Variants in PAX8 observed in about 807,000 individuals in gnomAD.
PAX8 encodes the protein paired box protein Pax-8.
Under a neutral mutation model 52.4 loss-of-function variants are expected in PAX8, and 15 were observed. The ratio of observed to expected loss-of-function variants is 0.29; its 90% CI spans 0.19 to 0.44. PAX8 has a LOEUF of 0.44. PAX8 is among the 20% of genes least tolerant of loss of function. The pLI, the probability that PAX8 is intolerant of heterozygous loss-of-function variation, is 1.00. For missense variants in PAX8, 554 were observed against 602.5 expected, an observed-to-expected ratio of 0.92 and a Z score of 0.84; for synonymous variants, 284 against 249.7, an observed-to-expected ratio of 1.14 and a Z score of -1.29.
rs1689617858 is a variant in PAX8 at position 113,226,991 on chromosome 2, A to G, written c.1189+164T>C. 4.6e-6 allele frequency: 7 copies of G among 1,525,154 alleles called. No homozygotes were observed. The Admixed American group carries it at 1.2e-4, about 26-fold the overall frequency. 94.5% of individuals were successfully genotyped at this position (1,525,154 alleles called of 1,614,324 possible). A position where few individuals can be genotyped will look rare whatever the true frequency, so the allele number is the denominator to read the frequency against. On this transcript the variant is annotated intron_variant, in intron 10 of 11. Transcript: ENST00000429538. Reference sequence around the variant, plus strand: ...TAGGGAGTCAGGACTGCACTGGGACATCGTCTCCAGGCATTTACAAGGAGA... The same window carrying G: ...TAGGGAGTCAGGACTGCACTGGGACGTCGTCTCCAGGCATTTACAAGGAGA...
At chr2:113,269,623 A>G (rs1693329314) in intron 2 of PAX8, 1 of 152,232 alleles carries the variant, frequency 6.6e-6, no homozygotes, top group Admixed American at 6.5e-5. Context: ...TTAAATGTCA[A>G]CCAGGGTTTG....
In PAX8 at chr2:113,220,135, G is replaced by A; in HGVS notation, c.1233C>T (p.Ser411=). 6.2e-7 allele frequency: 1 copy of A among 1,614,030 alleles called. No homozygotes were observed. Among genetic ancestry groups the A allele is most frequent in the African/African-American group, 1.3e-5 (1 of 75,042 alleles). The stretch of plus-strand genomic sequence containing the variant: ...GGAAGCGCCAGGCCTCGCTGTAGGA[G>A]GAGTAGGGGGTGTGGCCATAGGCAT... ...SGNAYGHTPY[S]SYSEAWRFPN... is the part of the protein sequence containing the mutation. The change falls in exon 11 of 12, where the codon TCC becomes TCT. Residue 411 remains serine (S), a synonymous_variant. Coordinates refer to ENST00000429538, the MANE Select transcript of PAX8 (RefSeq NM_003466.4).
At chr2:113,248,680 C>T (rs1691516491) in intron 2 of PAX8, among the ~76,000 whole-genome samples, 1 of 152,072 alleles carries the variant, frequency 6.6e-6, no homozygotes, top group Admixed American at 6.5e-5. Context: ...GGGTGGGGGC[C>T]AGGTGCAGTG....
In PAX8 at chr2:113,217,868, C is replaced by T; in HGVS notation, c.*665G>A. On this transcript the variant is annotated 3_prime_UTR_variant, in exon 12 of 12. Coordinates refer to ENST00000429538, the MANE Select transcript of PAX8 (RefSeq NM_003466.4). ...GACCTGGGGTGGTGCTATACCTTCA[C>T]AGCAGCAGGCAAAAGAGGTCAGCTG... The T allele has an allele frequency of 4.3e-6, 1 of 233,234 alleles. No homozygotes were observed. Among genetic ancestry groups the T allele is most frequent in the Non-Finnish European group, 8.5e-6 (1 of 118,046 alleles). 14.4% of individuals were successfully genotyped at this position (233,234 alleles called of 1,614,324 possible).
At chr2:113,243,930 CTG>C (rs1691090516) in intron 4 of PAX8, among the ~76,000 whole-genome samples, 1 of 152,170 alleles carries the variant, frequency 6.6e-6, no homozygotes, top group South Asian at 2.1e-4. Flanking sequence ...TCTCATTAGA[CTG>C]TAAGCTCCGC....
At chr2:113,220,722 A>G (rs1689228988) in intron 10 of PAX8, among the ~76,000 whole-genome samples, 1 of 152,104 alleles carries the variant, frequency 6.6e-6, no homozygotes, top group Non-Finnish European at 1.5e-5. Context: ...GTTTGTGTGC[A>G]TGGGGGGCTG....
chr2:113,240,780 GGGGCACAATGGTA>G (rs1690754837), intron 7 of PAX8: 1 of 154,058 alleles, frequency 6.5e-6, no homozygotes, highest in African/African-American at 2.4e-5. Flanking sequence ...TATTATAAGG[GGGGCACAATGGTA>G]GGTGCTGGGA....
At chr2:113,241,114 G>A (rs926394942) in intron 7 of PAX8, 2 of 323,626 alleles carry the variant, frequency 6.2e-6, no homozygotes, top group Non-Finnish European at 1.2e-5. Flanking sequence ...GTGAGCGAGG[G>A]TGGTGAGCTC....
At chr2:113,277,715 T>C (rs1693922344) in intron 2 of PAX8, among the ~76,000 whole-genome samples, 1 of 151,480 alleles carries the variant, frequency 6.6e-6, no homozygotes. Context: ...GGAGCTCGAG[T>C]GTGTTTGAAG....
intron 2 of PAX8, among the ~76,000 whole-genome samples, chr2:113,256,606 ATGTG>A (rs55936485): frequency 1.4e-5 from 2 of 141,118 alleles, no homozygotes; most frequent in Non-Finnish European, 3.1e-5. Flanking sequence ...TGGAATATAT[ATGTG>A]TGTGTGTATA....
intron 2 of PAX8, among the ~76,000 whole-genome samples, chr2:113,249,633 T>G (rs1362370831): frequency 6.6e-6 from 1 of 152,140 alleles, no homozygotes; most frequent in Non-Finnish European, 1.5e-5. Flanking sequence ...ACATTGCTCT[T>G]AATTATTATG....
chr2:113,253,040 G>A (rs1191556094), intron 2 of PAX8, among the ~76,000 whole-genome samples: 1 of 152,226 alleles, frequency 6.6e-6, no homozygotes, highest in African/African-American at 2.4e-5. Context: ...CATGTGCTTG[G>A]TGATGAGTGG....
chr2:113,263,667 A>G (rs1250214968), intron 2 of PAX8, among the ~76,000 whole-genome samples: 2 of 152,206 alleles, frequency 1.3e-5, no homozygotes, highest in Non-Finnish European at 2.9e-5. Flanking sequence ...GCTTCTACCC[A>G]TAGCCAGATG....
chr2:113,223,805 G>C (rs1266526727), intron 10 of PAX8, among the ~76,000 whole-genome samples: 2 of 152,146 alleles, frequency 1.3e-5, no homozygotes, highest in South Asian at 4.1e-4. Context: ...TAAGCTCCAG[G>C]AATAAAGGAA....
At chr2:113,250,476 A>G (rs1455501120) in intron 2 of PAX8, among the ~76,000 whole-genome samples, 3 of 152,298 alleles carry the variant, frequency 2.0e-5, no homozygotes, top group South Asian at 4.1e-4. Flanking sequence ...GAGGGTTATT[A>G]AAATACAGAG....
chr2:113,218,638 A>C (rs1169189084), intron 11 of PAX8, 29 bp from the exon 12 acceptor site: 8 of 1,433,922 alleles, frequency 5.6e-6, no homozygotes, highest in South Asian at 1.2e-5. Context: ...AATAACAACA[A>C]CACTGCTGGT....
At chr2:113,237,020 C>T in intron 7 of PAX8, 2 of 450,178 alleles carry the variant, frequency 4.4e-6, no homozygotes, top group Non-Finnish European at 8.1e-6. Flanking sequence ...GGTTTCACCA[C>T]ACTGTTGGGA....
chr2:113,224,275 A>G (rs149708922), intron 10 of PAX8, among the ~76,000 whole-genome samples: 1 of 152,272 alleles, frequency 6.6e-6, no homozygotes, highest in Non-Finnish European at 1.5e-5. Context: ...GACCAGGCAC[A>G]GTGACTCACA....
chr2:113,235,603 A>G lies in PAX8; in HGVS notation c.899-21T>C, dbSNP rs748728754. On this transcript the variant is annotated intron_variant, in intron 8 of 11. Coordinates refer to ENST00000429538, the MANE Select transcript of PAX8 (RefSeq NM_003466.4). ...AGGATCTGCCGGAGGGAGGGAGACA[A>G]CAAGGAGAGAGGGGTGTGAGATGGC... The G allele has an allele frequency of 1.2e-5, 19 of 1,591,516 alleles. No homozygotes were observed. In the South Asian group the frequency reaches 1.5e-4, roughly 12 times the overall value.
Sources: allele counts gnomAD v4.1 joint callset (sites outside exome capture counted in the v4.1 genomes callset), GRCh38; gene constraint gnomAD v4.1.1; transcripts MANE v1.5; gene names NCBI Gene and HGNC (gene_info 2026-07-23, HGNC 2026-07-21).